The following FNDC3A variants were observed in gnomAD, a reference collection of about 807,000 sequenced individuals.
FNDC3A encodes fibronectin type III domain containing 3A.
In FNDC3A, 32 loss-of-function variants were observed where a neutral mutation model predicts 148.9. The observed-to-expected ratio is 0.21, with a 90% CI of 0.16 to 0.29. The LOEUF (loss-of-function observed/expected upper bound fraction) is 0.29, where lower values mean the gene tolerates loss of function less well. Ranked by LOEUF, FNDC3A falls within the 10% of genes least tolerant of loss-of-function variation. The pLI is 1.00. For synonymous variants in FNDC3A, 472 were observed against 473.6 expected (o/e 1.00, Z 0.04); for missense variants, 1,191 against 1,452.8 (o/e 0.82, Z 2.93).
intron 7 of FNDC3A, 32 bp downstream of exon 7, chr13:49,138,837 TATTTAATATATTAGCATAAG>T: frequency 9.0e-7 from 1 of 1,112,502 alleles, no homozygotes; most frequent in Non-Finnish European, 1.3e-6. Flanking sequence ...TTGATGTTTA[TATTTAATATATTAGCATAAG>T]ATGTTCATCC....
chr13:49,042,086 A>G (rs1037312099), intron 2 of FNDC3A, among the ~76,000 whole-genome samples: 3 of 152,182 alleles, frequency 2.0e-5, no homozygotes, highest in Non-Finnish European at 4.4e-5. Flanking sequence ...CATCTGAGAT[A>G]TGGGAGTAAA....
At chr13:49,037,823 A>G (rs1874614487) in intron 2 of FNDC3A, among the ~76,000 whole-genome samples, 1 of 152,142 alleles carries the variant, frequency 6.6e-6, no homozygotes, top group Non-Finnish European at 1.5e-5. Context: ...TGGCCCCATG[A>G]TAGTGTCTAC....
chr13:48,988,916 A>T (rs1273583295), intron 1 of FNDC3A, among the ~76,000 whole-genome samples: 1 of 152,136 alleles, frequency 6.6e-6, no homozygotes, highest in African/African-American at 2.4e-5. Context: ...TGAAAACCTT[A>T]AGTGTTCAGC....
chr13:48,987,778 G>T (rs970136940), intron 1 of FNDC3A: 1 of 152,162 alleles, frequency 6.6e-6, no homozygotes, highest in African/African-American at 2.4e-5. Context: ...TAAAGTTTTT[G>T]ACCTCAGTGG....
chr13:49,043,764 C>A (rs1019175781), intron 2 of FNDC3A, among the ~76,000 whole-genome samples: 1 of 151,836 alleles, frequency 6.6e-6, no homozygotes, highest in South Asian at 2.1e-4. Flanking sequence ...TTTTTGTATT[C>A]TGGATTATTC....
chr13:49,033,518 A>G (rs1320812581), intron 2 of FNDC3A, among the ~76,000 whole-genome samples: 1 of 152,152 alleles, frequency 6.6e-6, no homozygotes, highest in African/African-American at 2.4e-5. Flanking sequence ...ATGAGGTCCA[A>G]CTTGCCAGTG....
At chr13:49,103,397 T>A (rs1464366225) in intron 3 of FNDC3A, among the ~76,000 whole-genome samples, 1 of 152,240 alleles carries the variant, frequency 6.6e-6, no homozygotes, top group Non-Finnish European at 1.5e-5. Context: ...ATTTTACCAG[T>A]TTGAGTGGCA....
chr13:49,162,617 G>A lies in FNDC3A; in HGVS notation c.978-4627G>A, dbSNP rs191055587. On this transcript the variant is annotated intron_variant, in intron 8 of 25. Transcript: ENST00000492622. ...TTCTGAAGTCTACTTCTGTCAACTC[G>A]TCAAAGTCATTCTCCGTCCTGTTTT... is the stretch of plus-strand genomic sequence containing the variant. 1.4e-4 allele frequency among the ~76,000 whole-genome samples: 21 copies of A among 152,242 alleles called. No homozygotes were observed. In the South Asian group the frequency reaches 3.5e-3, roughly 26 times the overall value.
At chr13:48,995,153 G>A (rs1284519771) in intron 1 of FNDC3A, among the ~76,000 whole-genome samples, 1 of 152,106 alleles carries the variant, frequency 6.6e-6, no homozygotes, top group East Asian at 1.9e-4. Flanking sequence ...GGACTCAGGT[G>A]GTCCTCCTGC....
chr13:49,033,746 A>G (rs1057129427), intron 2 of FNDC3A, among the ~76,000 whole-genome samples: 1 of 151,984 alleles, frequency 6.6e-6, no homozygotes, highest in Non-Finnish European at 1.5e-5. Context: ...TTTATAATTT[A>G]TACTTAAATT....
intron 2 of FNDC3A, among the ~76,000 whole-genome samples, chr13:49,060,412 G>A (rs531037763): frequency 1.3e-5 from 2 of 152,196 alleles, no homozygotes; most frequent in Non-Finnish European, 2.9e-5. Context: ...GGAAGGCCAA[G>A]GTGGGCGGAT....
intron 2 of FNDC3A, among the ~76,000 whole-genome samples, chr13:49,063,947 T>C (rs1009536885): frequency 1.3e-5 from 2 of 152,208 alleles, no homozygotes; most frequent in African/African-American, 2.4e-5. Flanking sequence ...GTGTTACATG[T>C]TATGGCAAAG....
intron 17 of FNDC3A, among the ~76,000 whole-genome samples, chr13:49,190,132 C>T (rs924912398): frequency 2.6e-5 from 4 of 151,946 alleles, no homozygotes; most frequent in African/African-American, 4.8e-5. Context: ...GTGATCCACC[C>T]GCCTCAGCCT....
intron 2 of FNDC3A, among the ~76,000 whole-genome samples, chr13:49,034,530 G>A (rs1340603563): frequency 3.3e-5 from 5 of 151,902 alleles, no homozygotes; most frequent in Non-Finnish European, 5.9e-5. Flanking sequence ...ATCCTATTAC[G>A]TTGTGAGATA....
chr13:49,058,365 A>G (rs117154991), intron 2 of FNDC3A, among the ~76,000 whole-genome samples: 3,013 of 152,232 alleles, frequency 0.02, 43 homozygotes, highest in Middle Eastern at 0.054. Context: ...GGGTCGATCT[A>G]ACTACCAGGC....
chr13:49,077,441 G>A (rs1326263636), intron 3 of FNDC3A, among the ~76,000 whole-genome samples: 1 of 152,186 alleles, frequency 6.6e-6, no homozygotes, highest in Non-Finnish European at 1.5e-5. Context: ...ATTTTACCTA[G>A]GCTGTCCAAT....
intron 23 of FNDC3A, among the ~76,000 whole-genome samples, chr13:49,200,050 C>G (rs1445136907): frequency 6.6e-6 from 1 of 152,196 alleles, no homozygotes; most frequent in Non-Finnish European, 1.5e-5. Flanking sequence ...AGCAATGCCA[C>G]ATACCTCCCA....
At chr13:49,162,333 T>G (rs550861921) in intron 8 of FNDC3A, among the ~76,000 whole-genome samples, 3 of 152,188 alleles carry the variant, frequency 2.0e-5, no homozygotes, top group Admixed American at 2.0e-4. Context: ...TCTAAACTTA[T>G]CTTCTCACTT....
At position 49,168,915 on chromosome 13, in the gene FNDC3A, T is replaced by C. The variant is rs569335297; in HGVS notation, c.1176+164T>C. The stretch of plus-strand genomic sequence containing the variant: ...TTAATGTATCTTAAAATAGCACTGT[T>C]ACTGGTTTTTCTTACTATATGTAAA... On this transcript the variant is annotated intron_variant, in intron 10 of 25. Transcript: ENST00000492622. Among the ~76,000 whole-genome samples the C allele has an allele frequency of 1.4e-3, 209 of 152,344 alleles. 1 individual carries two copies. Among genetic ancestry groups the C allele is most frequent in the Middle Eastern group, 0.01 (3 of 294 alleles).
Sources: allele counts gnomAD v4.1 joint callset (sites outside exome capture counted in the v4.1 genomes callset), GRCh38; gene constraint gnomAD v4.1.1; transcripts MANE v1.5; gene names NCBI Gene and HGNC (gene_info 2026-07-23, HGNC 2026-07-21).